Variants in CD83 observed in about 807,000 individuals in gnomAD.
CD83 encodes CD83 molecule.
Under a neutral mutation model 24.6 loss-of-function variants are expected in CD83, and 22 were observed. That is an observed-to-expected ratio of 0.90 (90% confidence interval 0.64 to 1.28). The LOEUF is 1.28. CD83 is among the 50% of genes most tolerant of loss of function. The pLI is 0.00. For missense variants in CD83, 253 were observed against 252.8 expected (o/e 1.00, Z -0.01); for synonymous variants, 101 against 103.5 (o/e 0.98, Z 0.14).
chr6:14,131,768 T>A lies in CD83; in HGVS notation c.382+20T>A, dbSNP rs1561832324. 1 of 1,536,310 alleles carries A rather than the reference T, an allele frequency of 6.5e-7. No individual in the cohort carries two copies. Among genetic ancestry groups the A allele is most frequent in the Non-Finnish European group, 9.0e-7 (1 of 1,109,248 alleles). On this transcript the variant is annotated intron_variant, in intron 3 of 4. Transcript: ENST00000379153. ...TGACAGGTGAGGTGACCTGCTGCAC[T>A]TGTTTTCTTCTTGAACAATGCATGT... is the stretch of plus-strand genomic sequence containing the variant.
In CD83 at chr6:14,136,250, C is replaced by G. The variant is rs1466945154; in HGVS notation, c.*1014C>G. The G allele has an allele frequency of 6.6e-6, 1 of 152,184 alleles. No homozygotes were observed. Among genetic ancestry groups the G allele is most frequent in the South Asian group, 2.1e-4 (1 of 4,818 alleles). 9.4% of individuals were successfully genotyped at this position (152,184 alleles called of 1,614,324 possible). ...ATTCGAAACTCCATTGAGTCATTAT[C>G]CTTGCTATGATGATGGTGTTTTGGG... is the stretch of plus-strand genomic sequence containing the variant. On this transcript the variant is annotated 3_prime_UTR_variant, in exon 5 of 5. Coordinates refer to ENST00000379153, the MANE Select transcript of CD83 (RefSeq NM_004233.4).
In CD83 at chr6:14,136,897, A is replaced by T. The variant is rs983899159; in HGVS notation, c.*1661A>T. 2.6e-5 allele frequency: 4 copies of T among 152,166 alleles called. No homozygotes were observed. The highest frequency in any genetic ancestry group is 7.2e-5 in the African/African-American group (3 of 41,430). The allele number at this position is 152,166 out of a possible 1,614,324, so 9.4% of individuals were successfully genotyped here. A position where few individuals can be genotyped will look rare whatever the true frequency, so the allele number is the denominator to read the frequency against. ...CAAATAAAAAAATCCCGACTTTGGGATGAGTGCTAGGATGTTGTAAACCAG... is the reference window on the plus strand; with the variant it reads ...CAAATAAAAAAATCCCGACTTTGGGTTGAGTGCTAGGATGTTGTAAACCAG... On this transcript the variant is annotated 3_prime_UTR_variant, in exon 5 of 5. Transcript: ENST00000379153.
rs557002743 is a variant in CD83, at chr6:14,131,164, T to A, written c.154-356T>A. Among the ~76,000 whole-genome samples, 15 of 152,276 alleles carry A rather than the reference T, an allele frequency of 9.9e-5. No homozygotes were observed. The South Asian group carries it at 3.1e-3, about 32-fold the overall frequency. Reference sequence around the variant, plus strand: ...GGTATCTGAAGAAAACAAGAGAACATTTAATACAGAACAGTCCTATCTATA... The same window carrying A: ...GGTATCTGAAGAAAACAAGAGAACAATTAATACAGAACAGTCCTATCTATA... On this transcript the variant is annotated intron_variant, in intron 2 of 4. Coordinates refer to ENST00000379153, the MANE Select transcript of CD83 (RefSeq NM_004233.4).
At chr6:14,125,645 C>T (rs1287816456) in intron 2 of CD83, among the ~76,000 whole-genome samples, 1 of 152,104 alleles carries the variant, frequency 6.6e-6, no homozygotes, top group Non-Finnish European at 1.5e-5. Context: ...AGGACATGAA[C>T]TCAGAGCTTG....
chr6:14,124,344 G>A (rs1416245499), intron 2 of CD83, among the ~76,000 whole-genome samples: 4 of 152,196 alleles, frequency 2.6e-5, no homozygotes, highest in African/African-American at 9.7e-5. Flanking sequence ...CGGTATTACC[G>A]ATAGAATTGA....
At chr6:14,128,163 ATTTG>A (rs1759864442) in intron 2 of CD83, among the ~76,000 whole-genome samples, 1 of 152,170 alleles carries the variant, frequency 6.6e-6, no homozygotes. Flanking sequence ...GGGATGGCCC[ATTTG>A]CTGTTACTCC....
chr6:14,118,571 C>T (rs547348052), intron 2 of CD83, among the ~76,000 whole-genome samples: 62 of 152,256 alleles, frequency 4.1e-4, no homozygotes, highest in African/African-American at 1.4e-3. Flanking sequence ...CCATTTCATC[C>T]ATGGTAGTTA....
intron 2 of CD83, among the ~76,000 whole-genome samples, chr6:14,131,193 G>A (rs1329274001): frequency 6.6e-6 from 1 of 152,166 alleles, no homozygotes; most frequent in Non-Finnish European, 1.5e-5. Context: ...ATCTATACAT[G>A]TATACATAGA....
chr6:14,133,621 G>A (rs375296621), intron 3 of CD83, 28 bp from the exon 4 acceptor site: 3 of 1,454,154 alleles, frequency 2.1e-6, no homozygotes, highest in Non-Finnish European at 1.9e-6. Context: ...TGTTAAAATG[G>A]CTTCACATGT....
In CD83 at chr6:14,118,070, G is replaced by A. The variant is rs749015030; in HGVS notation, c.153+5G>A. On this transcript the variant is annotated splice_donor_5th_base_variant and intron_variant, in intron 2 of 4. Coordinates refer to ENST00000379153, the MANE Select transcript of CD83 (RefSeq NM_004233.4). Reference sequence around the variant, plus strand: ...TACACGGTCTCCTGGGTCAAGGTAGGTGCTGCGATACCCACGGGCTGGGGT... The same window carrying A: ...TACACGGTCTCCTGGGTCAAGGTAGATGCTGCGATACCCACGGGCTGGGGT... 1.3e-6 allele frequency: 2 copies of A among 1,594,504 alleles called. No individual in the cohort carries two copies. The highest frequency in any genetic ancestry group is 1.3e-5 in the African/African-American group (1 of 74,352).
chr6:14,118,009 T>C lies in CD83; in HGVS notation c.97T>C (p.Leu33=), dbSNP rs532220475. 6.2e-7 allele frequency: 1 copy of C among 1,611,686 alleles called. No individual in the cohort carries two copies. The highest frequency in any genetic ancestry group is 1.3e-5 in the African/African-American group (1 of 74,874). ...VKVACSEDVD[L]PCTAPWDPQV... is the part of the protein sequence containing the mutation. ...GGTGGCTTGCTCCGAAGATGTGGAC[T>C]TGCCCTGCACCGCCCCCTGGGATCC... The change falls in exon 2 of 5, where the codon TTG becomes CTG. Residue 33 remains leucine (L), a synonymous_variant. Transcript: ENST00000379153.
At chr6:14,127,527 TTTAGTTCAAA>T in intron 2 of CD83, among the ~76,000 whole-genome samples, 1 of 152,200 alleles carries the variant, frequency 6.6e-6, no homozygotes, top group South Asian at 2.1e-4. Context: ...TGTCTTTTGT[TTTAGTTCAAA>T]TTAGTTCATC....
chr6:14,117,411 T>C (rs1175990798), upstream of CD83: 3 of 152,098 alleles, frequency 2.0e-5, no homozygotes, highest in Non-Finnish European at 4.4e-5. The surrounding 1 kb of genome is among the most constrained non-coding windows in gnomAD (Gnocchi z 4.6). Flanking sequence ...GTTCCCGGCT[T>C]CCTTTTGCGG....
At chr6:14,133,051 C>T (rs533102770) in intron 3 of CD83, among the ~76,000 whole-genome samples, 1 of 152,330 alleles carries the variant, frequency 6.6e-6, no homozygotes, top group African/African-American at 2.4e-5. Flanking sequence ...GTTGTTCTTC[C>T]ACCCAACCAT....
In CD83 at chr6:14,129,222, A is replaced by G. The variant is rs1226193316; in HGVS notation, c.154-2298A>G. Among the ~76,000 whole-genome samples, 1 of 152,190 alleles carries G rather than the reference A, an allele frequency of 6.6e-6. No individual in the cohort carries two copies. The highest frequency in any genetic ancestry group is 2.4e-5 in the African/African-American group (1 of 41,444). ...GGACATCGGAATGGGGACTGCAGGG[A>G]CTGGGCCGAGCTAATTATTTCAAAC... On this transcript the variant is annotated intron_variant, in intron 2 of 4. Transcript: ENST00000379153. The surrounding 1 kb of genome is among the most constrained non-coding windows in gnomAD (Gnocchi z 4.3).
chr6:14,130,761 T>A (rs1462138004), intron 2 of CD83, among the ~76,000 whole-genome samples: 1 of 152,166 alleles, frequency 6.6e-6, no homozygotes, highest in African/African-American at 2.4e-5. Flanking sequence ...GCCAGCCAGA[T>A]AAAATGTCTG....
chr6:14,131,199 A>G (rs1321736156), intron 2 of CD83, among the ~76,000 whole-genome samples: 1 of 152,266 alleles, frequency 6.6e-6, no homozygotes, highest in Non-Finnish European at 1.5e-5. Context: ...ACATGTATAC[A>G]TAGACACAAA....
chr6:14,128,934 T>C (rs1056169489), intron 2 of CD83, among the ~76,000 whole-genome samples: 11 of 152,192 alleles, frequency 7.2e-5, no homozygotes, highest in African/African-American at 2.7e-4. Context: ...CACCAGCACC[T>C]TTTTGCTTCA....
At chr6:14,122,192 G>A (rs1759686297) in intron 2 of CD83, among the ~76,000 whole-genome samples, 1 of 152,188 alleles carries the variant, frequency 6.6e-6, no homozygotes, top group Non-Finnish European at 1.5e-5. Flanking sequence ...CCCAGCTGGG[G>A]CAGATCATGG....
Sources: gnomAD v4.1 joint callset for allele counts (sites outside exome capture counted in the v4.1 genomes callset) on GRCh38, gnomAD v4.1.1 for gene constraint, Gnocchi (gnomAD v3.1) non-coding constraint, MANE v1.5 for transcripts, NCBI Gene and HGNC (gene_info 2026-07-23, HGNC 2026-07-21) for gene names.